PALM2AKAP2: variants seen among roughly 807,000 people sequenced by gnomAD.
PALM2AKAP2 encodes PALM2 and AKAP2 fusion.
In PALM2AKAP2, 37 loss-of-function variants were observed where a neutral mutation model predicts 71.5. That is an observed-to-expected ratio of 0.52 (90% CI 0.40 to 0.68). The LOEUF (loss-of-function observed/expected upper bound fraction) is 0.68, where lower values mean the gene tolerates loss of function less well. PALM2AKAP2 is among the 30% of genes least tolerant of loss of function. The pLI, the probability that PALM2AKAP2 is intolerant of heterozygous loss-of-function variation, is 0.00. For missense variants in PALM2AKAP2, 1,224 were observed against 1,191.8 expected (o/e 1.03, Z -0.40); for synonymous variants, 468 against 478.8 (o/e 0.98, Z 0.29).
In PALM2AKAP2 at chr9:110,111,659, T is replaced by A. The variant is rs543620764; in HGVS notation, c.157-24468T>A. ...TGCACCAATTCTGAGGTTTTGCAAG[T>A]GATCACCAATGTGGAGAGTATGGTT... On this transcript the variant is annotated intron_variant, in intron 1 of 3. Transcript: ENST00000374525. Among the ~76,000 whole-genome samples the A allele has an allele frequency of 2.6e-5, 4 of 152,328 alleles. No homozygotes were observed. The South Asian group carries it at 8.3e-4, about 32-fold the overall frequency.
chr9:110,138,729 T>G (rs1835959553), intron 2 of PALM2AKAP2, among the ~76,000 whole-genome samples, 190 bp downstream of exon 8: 2 of 152,366 alleles, frequency 1.3e-5, no homozygotes, highest in South Asian at 4.1e-4. Flanking sequence ...AGAAGAACCC[T>G]GAGCTTGCAT....
At chr9:109,794,738 C>T (rs1324634836) in intron 1 of PALM2AKAP2, among the ~76,000 whole-genome samples, 1 of 152,244 alleles carries the variant, frequency 6.6e-6, no homozygotes, top group Non-Finnish European at 1.5e-5. Context: ...AAAACACCAG[C>T]TACAATTTTG....
chr9:110,013,588 A>C (rs1253581783), intron 6 of PALM2AKAP2, among the ~76,000 whole-genome samples: 1 of 151,692 alleles, frequency 6.6e-6, no homozygotes, highest in Non-Finnish European at 1.5e-5. Context: ...AGTGTAGAAC[A>C]AGGCACAACA....
At chr9:110,065,080 G>A (rs563061252) in intron 1 of PALM2AKAP2, among the ~76,000 whole-genome samples, 1 of 152,186 alleles carries the variant, frequency 6.6e-6, no homozygotes, top group African/African-American at 2.4e-5. Context: ...CACACCAGCC[G>A]GATGACTTTC....
chr9:109,980,960 G>A (rs1832258262), intron 6 of PALM2AKAP2, among the ~76,000 whole-genome samples: 1 of 152,208 alleles, frequency 6.6e-6, no homozygotes, highest in Admixed American at 6.5e-5. Flanking sequence ...CCAGCTTCGT[G>A]GTTTGTGCCT....
intron 1 of PALM2AKAP2, among the ~76,000 whole-genome samples, chr9:109,713,650 A>AG (rs1828274183): frequency 6.6e-6 from 1 of 152,210 alleles, no homozygotes. Flanking sequence ...ATTAGCAAGC[A>AG]GATCTGAAGA....
At chr9:110,085,836 G>T (rs112047508) in intron 1 of PALM2AKAP2, among the ~76,000 whole-genome samples, 1,803 of 152,264 alleles carry the variant, frequency 0.012, 37 homozygotes, top group African/African-American at 0.041. Context: ...CCCATGCGAA[G>T]TGGCTCACAC....
intron 1 of PALM2AKAP2, among the ~76,000 whole-genome samples, chr9:109,783,125 T>A (rs553674335): frequency 1.3e-5 from 2 of 152,184 alleles, no homozygotes; most frequent in Admixed American, 6.5e-5. Flanking sequence ...GGGTCTCAGC[T>A]CCTTCATCTG....
chr9:110,070,573 A>G (rs1355360779), intron 1 of PALM2AKAP2, among the ~76,000 whole-genome samples: 1 of 152,204 alleles, frequency 6.6e-6, no homozygotes, highest in Non-Finnish European at 1.5e-5. Context: ...AAGTTGGTCA[A>G]TTGTGATAAG....
intron 1 of PALM2AKAP2, among the ~76,000 whole-genome samples, chr9:109,737,101 G>A (rs190350765): frequency 9.8e-5 from 15 of 152,302 alleles, no homozygotes; most frequent in Admixed American, 5.2e-4. Flanking sequence ...GCCAGGAAGC[G>A]TTCTTTCTCA....
chr9:110,112,046 A>G (rs1835265894), intron 1 of PALM2AKAP2, among the ~76,000 whole-genome samples: 1 of 152,036 alleles, frequency 6.6e-6, no homozygotes. Context: ...TATAAGACAA[A>G]CAGTCATTCT....
intron 1 of PALM2AKAP2, among the ~76,000 whole-genome samples, chr9:109,683,260 A>G (rs774689142): frequency 2.6e-5 from 4 of 152,200 alleles, no homozygotes; most frequent in Non-Finnish European, 4.4e-5. Context: ...ACCCAATTTC[A>G]GGTATTTCTG....
intron 3 of PALM2AKAP2, among the ~76,000 whole-genome samples, chr9:109,894,499 T>G (rs1045017787): frequency 6.6e-6 from 1 of 152,198 alleles, no homozygotes; most frequent in East Asian, 1.9e-4. Flanking sequence ...TTATTACCAG[T>G]CTGTGACAAA....
At chr9:109,665,250 T>C (rs1564105884) in intron 1 of PALM2AKAP2, among the ~76,000 whole-genome samples, 1 of 152,214 alleles carries the variant, frequency 6.6e-6, no homozygotes, top group African/African-American at 2.4e-5. Flanking sequence ...CGCGCTCCTT[T>C]GGAGGAGAAG....
intron 1 of PALM2AKAP2, among the ~76,000 whole-genome samples, chr9:109,745,316 C>T (rs1322467906): frequency 5.3e-5 from 8 of 152,100 alleles, no homozygotes; most frequent in Admixed American, 3.3e-4. Context: ...CGTGCCACTG[C>T]ACTCCAGCCT....
At chr9:109,761,967 C>T (rs1026105448) in intron 1 of PALM2AKAP2, among the ~76,000 whole-genome samples, 1 of 152,062 alleles carries the variant, frequency 6.6e-6, no homozygotes, top group Non-Finnish European at 1.5e-5. Context: ...TAGAGAAATG[C>T]GAGTCAAAAC....
At chr9:110,151,694 A>G (rs955134615) in intron 2 of PALM2AKAP2, among the ~76,000 whole-genome samples, 11 of 152,252 alleles carry the variant, frequency 7.2e-5, no homozygotes, top group Non-Finnish European at 1.6e-4. Flanking sequence ...ATTACTCCAG[A>G]TGGAATAGTT....
intron 1 of PALM2AKAP2, among the ~76,000 whole-genome samples, chr9:109,707,212 A>G (rs144468691): frequency 1.4e-4 from 22 of 152,042 alleles, no homozygotes; most frequent in Admixed American, 7.2e-4. Flanking sequence ...GGCAGTGGAC[A>G]TGTGTCATTT....
chr9:110,021,658 C>A (rs2132368393), intron 7 of PALM2AKAP2, among the ~76,000 whole-genome samples: 1 of 151,854 alleles, frequency 6.6e-6, no homozygotes, highest in South Asian at 2.1e-4. Flanking sequence ...TCATCCTTCA[C>A]TGGAAGAAAA....
Sources: allele counts gnomAD v4.1 joint callset (sites outside exome capture counted in the v4.1 genomes callset), GRCh38; gene constraint gnomAD v4.1.1; transcripts MANE v1.5; gene names NCBI Gene and HGNC (gene_info 2026-07-23, HGNC 2026-07-21).